The following METTL2A variants were observed in gnomAD, a reference collection of about 807,000 sequenced individuals.
The protein encoded by METTL2A is methyltransferase 2A, tRNA N3-cytidine, also known as tRNA N(3)-cytidine methyltransferase METTL2A.
Under a neutral mutation model 49.4 loss-of-function variants are expected in METTL2A, and 45 were observed. The observed-to-expected ratio is 0.91, with a 90% CI of 0.72 to 1.17. METTL2A has a LOEUF of 1.17. Ranked by LOEUF, METTL2A falls within the 50% of genes most tolerant of loss-of-function variation. The pLI, the probability that METTL2A is intolerant of heterozygous loss-of-function variation, is 0.00. For synonymous variants in METTL2A, 118 were observed against 167.5 expected, an observed-to-expected ratio of 0.70 and a Z score of 2.28; for missense variants, 361 against 462.2, an observed-to-expected ratio of 0.78 and a Z score of 2.01.
At chr17:62,446,829 CA>C (rs2070772058) in intron 7 of METTL2A, among the ~76,000 whole-genome samples, 1 of 152,112 alleles carries the variant, frequency 6.6e-6, no homozygotes, top group Non-Finnish European at 1.5e-5. Context: ...GAGCAATGTG[CA>C]AGGGAGTATT....
rs774947560 is a variant in METTL2A at position 62,440,664 on chromosome 17, C to T, written c.717C>T (p.Asp239=). Residue 239 remains aspartate (D), a synonymous_variant, in exon 6 of 9, where the codon GAC becomes GAT. Coordinates refer to ENST00000311506, the MANE Select transcript of METTL2A (RefSeq NM_181725.4). ...CTCGGTGTTTTGCCTTTGTTCACGA[C>T]CTGTGTGATGAAGAGAAGAGTTACC... is the stretch of plus-strand genomic sequence containing the variant. ...DPSRCFAFVH[D]LCDEEKSYPV... The T allele has an allele frequency of 2.5e-6, 4 of 1,613,632 alleles. No homozygotes were observed. The Admixed American group carries it at 6.7e-5, about 27-fold the overall frequency.
At chr17:62,424,153 G>A (rs2070606331) in intron 1 of METTL2A, 66 bp from the exon 2 acceptor site, 1 of 1,609,370 alleles carries the variant, frequency 6.2e-7, no homozygotes, top group African/African-American at 1.3e-5. Context: ...AAACTCCTAG[G>A]CCAGCGACTC....
Position 62,426,435 on chromosome 17 carries a change from G to A in METTL2A, c.339G>A (p.Lys113=). The stretch of plus-strand genomic sequence containing the variant: ...CTAGCCAAAATCAAAATCATTTGAA[G>A]GACTGGTTCTTGGAGAACAAGAGTG... The part of the protein sequence containing the change: ...LAPSQNQNHL[K]DWFLENKSEV... The change falls in exon 3 of 9, where the codon AAG becomes AAA. Residue 113 remains lysine (K), a synonymous_variant. Transcript: ENST00000311506. The A allele has an allele frequency of 6.2e-7, 1 of 1,614,142 alleles. No individual in the cohort carries two copies. The highest frequency in any genetic ancestry group is 8.5e-7 in the Non-Finnish European group (1 of 1,180,042).
intron 4 of METTL2A, among the ~76,000 whole-genome samples, chr17:62,432,884 G>A (rs1209336981): frequency 2.1e-5 from 1 of 47,426 alleles, no homozygotes; most frequent in Non-Finnish European, 4.9e-5. Flanking sequence ...GATTGGTTGG[G>A]GCTGCAGTGA....
intron 4 of METTL2A, among the ~76,000 whole-genome samples, chr17:62,431,439 A>G (rs2070664658): frequency 1.3e-5 from 2 of 150,970 alleles, no homozygotes; most frequent in South Asian, 4.2e-4. Context: ...TGTAGCTTCA[A>G]CCTTCCAGGG....
At position 62,442,556 on chromosome 17, in the gene METTL2A, G is replaced by A. The variant is rs186967642; in HGVS notation, c.809+1800G>A. On this transcript the variant is annotated intron_variant, in intron 6 of 8. Coordinates refer to ENST00000311506, the MANE Select transcript of METTL2A (RefSeq NM_181725.4). The stretch of plus-strand genomic sequence containing the variant: ...GGCATCCCAAAGTGCTGGGATTACA[G>A]GCATGAGCCACTGCAACCTGACCAA... Among the ~76,000 whole-genome samples, 194 of 151,752 alleles carry A rather than the reference G, an allele frequency of 1.3e-3. 1 individual carries two copies. The highest frequency in any genetic ancestry group is 8.9e-3 in the Admixed American group (136 of 15,260).
Position 62,441,690 on chromosome 17 carries a change from T to G in METTL2A, c.809+934T>G, listed in dbSNP as rs1241037719. On this transcript the variant is annotated intron_variant, in intron 6 of 8. Transcript: ENST00000311506. ...TTAAACTCCTGACCTTGTAATCTGC[T>G]TGCCTCAACCTTGCAAAATGCTGGG... Among the ~76,000 whole-genome samples, 3 of 151,586 alleles carry G rather than the reference T, an allele frequency of 2.0e-5. No homozygotes were observed. The East Asian group carries it at 5.8e-4, about 29-fold the overall frequency.
In METTL2A at chr17:62,451,226, A is replaced by G. The variant is rs1016198826; in HGVS notation, c.*2497A>G. Among the ~76,000 whole-genome samples the G allele has an allele frequency of 6.6e-6, 1 of 150,502 alleles. No homozygotes were observed. Among genetic ancestry groups the G allele is most frequent in the African/African-American group, 2.5e-5 (1 of 40,772 alleles). On this transcript the variant is annotated 3_prime_UTR_variant, in exon 9 of 9. Transcript: ENST00000311506. ...CAATGGCACAATTTCAGCTCACCGCAACCTCTGCCTCCCAAGTTTAAATGA... is the reference window on the plus strand; with the variant it reads ...CAATGGCACAATTTCAGCTCACCGCGACCTCTGCCTCCCAAGTTTAAATGA...
At chr17:62,435,394 G>C (rs1220923073) in intron 5 of METTL2A, 102 bp downstream of exon 5, 1 of 1,523,292 alleles carries the variant, frequency 6.6e-7, no homozygotes, top group Non-Finnish European at 9.0e-7. Flanking sequence ...TACAGTCTGT[G>C]TTCTTACGGT....
At chr17:62,441,292 T>C (rs1426621969) in intron 6 of METTL2A, among the ~76,000 whole-genome samples, 1 of 152,242 alleles carries the variant, frequency 6.6e-6, no homozygotes, top group Admixed American at 6.5e-5. Flanking sequence ...CTTCATTTCC[T>C]TGTTGTGGCT....
chr17:62,445,283 TAAAGTA>T (rs763192660), intron 7 of METTL2A, among the ~76,000 whole-genome samples: 6 of 151,100 alleles, frequency 4.0e-5, no homozygotes, highest in Non-Finnish European at 8.8e-5. Flanking sequence ...CCCCAGAACT[TAAAGTA>T]TAATTAAAAA....
intron 6 of METTL2A, among the ~76,000 whole-genome samples, chr17:62,444,381 G>C (rs1317604875): frequency 1.3e-5 from 2 of 152,264 alleles, no homozygotes; most frequent in African/African-American, 4.8e-5. Context: ...CCAGGTTCCA[G>C]AAATTCTCCT....
At chr17:62,440,545 A>G in intron 5 of METTL2A, 72 bp from the exon 6 acceptor site, 1 of 1,520,896 alleles carries the variant, frequency 6.6e-7, no homozygotes, top group Non-Finnish European at 8.8e-7. Context: ...TTTAAAATTT[A>G]AAACAAGATA....
Position 62,426,622 on chromosome 17 carries a change from C to T in METTL2A, c.526C>T (p.Pro176Ser), listed in dbSNP as rs1451915432. 6.5e-7 allele frequency: 1 copy of T among 1,539,826 alleles called. No homozygotes were observed. The highest frequency in any genetic ancestry group is 1.2e-5 in the South Asian group (1 of 85,420). The change falls in exon 3 of 9, where the codon CCT becomes TCT. Residue 176 changes from proline (P) to serine (S), a missense_variant. Around this residue, in one of 3 missense-constraint regions of METTL2A, gnomAD observed 28 missense variants for 75.6 expected, o/e 0.37. Transcript: ENST00000311506. ...SDLEICADEF[P>S]GSSATYRILE... Reference sequence around the variant, plus strand: ...CCTGGAAATTTGTGCTGATGAGTTTCCTGGATCCTCAGCCACCTACCGAAT... The same window carrying T: ...CCTGGAAATTTGTGCTGATGAGTTTTCTGGATCCTCAGCCACCTACCGAAT...
intron 5 of METTL2A, among the ~76,000 whole-genome samples, chr17:62,437,851 T>A (rs9908598): frequency 0.034 from 5,108 of 152,086 alleles, 298 homozygotes; most frequent in African/African-American, 0.11. Flanking sequence ...ACGCACCTGT[T>A]GTCCCAGCTA....
At chr17:62,445,172 A>G (rs1361581575) in intron 7 of METTL2A, among the ~76,000 whole-genome samples, 2 of 152,042 alleles carry the variant, frequency 1.3e-5, no homozygotes, top group Admixed American at 1.3e-4. Flanking sequence ...GAGGGATAGC[A>G]TTAGCAGAAA....
Position 62,452,052 on chromosome 17 carries a change from C to T in METTL2A, c.*3323C>T, listed in dbSNP as rs529621855. ...TCCAGCCTGGGCAACAGTGAGACTC[C>T]GTCTCAAAATAAAAAACAAAAAAAA... is the stretch of plus-strand genomic sequence containing the variant. On this transcript the variant is annotated 3_prime_UTR_variant, in exon 9 of 9. Transcript: ENST00000311506. 3.9e-5 allele frequency among the ~76,000 whole-genome samples: 6 copies of T among 152,142 alleles called. No individual in the cohort carries two copies. Among genetic ancestry groups the T allele is most frequent in the East Asian group, 3.9e-4 (2 of 5,176 alleles).
intron 1 of METTL2A, 97 bp from the exon 2 acceptor site, chr17:62,424,122 A>G: frequency 1.3e-6 from 2 of 1,590,402 alleles, no homozygotes; most frequent in Non-Finnish European, 1.7e-6. Flanking sequence ...GCCCTACCCG[A>G]GGCACTCTCC....
chr17:62,440,822 T>A (rs1040265336), intron 6 of METTL2A, 66 bp downstream of exon 6: 110 of 1,558,514 alleles, frequency 7.1e-5, no homozygotes, highest in African/African-American at 8.3e-5. Flanking sequence ...CCTTTTTTTT[T>A]AAAATAGGTT....
Sources: gnomAD v4.1 joint callset for allele counts (sites outside exome capture counted in the v4.1 genomes callset) on GRCh38, gnomAD v4.1.1 for gene constraint, gnomAD v4.1.1 regional missense constraint, MANE v1.5 for transcripts, NCBI Gene and HGNC (gene_info 2026-07-23, HGNC 2026-07-21) for gene names.